The following ZNF185 variants were observed in gnomAD, a reference collection of about 807,000 sequenced individuals.
The protein encoded by ZNF185 is zinc finger protein 185.
ZNF185 carries 56 observed loss-of-function variants against 58.6 expected under a neutral mutation model. The ratio of observed to expected loss-of-function variants is 0.95; its 90% CI spans 0.77 to 1.19. ZNF185 has a LOEUF of 1.19. ZNF185 is among the 50% of genes most tolerant of loss of function. The pLI, the probability that ZNF185 is intolerant of heterozygous loss-of-function variation, is 0.00. For synonymous variants in ZNF185, 230 were observed against 215.9 expected, an observed-to-expected ratio of 1.07 and a Z score of -0.57; for missense variants, 627 against 573.5, an observed-to-expected ratio of 1.09 and a Z score of -0.95.
chrX:152,951,085 ATTT>A (rs57205058), intron 16 of ZNF185, among the ~76,000 whole-genome samples: 1 of 92,400 alleles, frequency 1.1e-5, no homozygotes. Flanking sequence ...ATGATCAAGA[ATTT>A]TTTTTTTTTT....
chrX:152,936,723 C>G (rs986553979), intron 14 of ZNF185, among the ~76,000 whole-genome samples: 7 of 110,511 alleles, frequency 6.3e-5, no homozygotes, highest in African/African-American at 9.9e-5. Flanking sequence ...TGTCTGCTCA[C>G]CCAGAGAGCC....
At chrX:152,970,024 T>C (rs1230634418) in intron 21 of ZNF185, among the ~76,000 whole-genome samples, 5 of 111,818 alleles carry the variant, frequency 4.5e-5, no homozygotes, top group African/African-American at 1.6e-4. Flanking sequence ...TGACAGAATG[T>C]TAGGCAGGCT....
intron 18 of ZNF185, 146 bp from the exon 21 acceptor site, chrX:152,965,301 G>T: frequency 8.8e-6 from 4 of 455,333 alleles, no homozygotes; most frequent in Non-Finnish European, 1.5e-5. Flanking sequence ...CAGTGCCAGT[G>T]CCTTTATCCT....
chrX:152,903,388 CAAAAAAAAAAAAA>C, the ZNF185 span, among the ~76,000 whole-genome samples: 1 of 35,857 alleles, frequency 2.8e-5, no homozygotes, highest in Non-Finnish European at 4.3e-5. Flanking sequence ...AGACTCGTCT[CAAAAAAAAAAAAA>C]AAAAAAAAAA....
At chrX:152,935,053 G>A (rs1396661223) in intron 14 of ZNF185, among the ~76,000 whole-genome samples, 1 of 110,642 alleles carries the variant, frequency 9.0e-6, no homozygotes, top group African/African-American at 3.3e-5. Flanking sequence ...GGAACTCCTG[G>A]GCTCAAGCAG....
chrX:152,964,756 G>C (rs1468733900), intron 18 of ZNF185, among the ~76,000 whole-genome samples: 2 of 110,678 alleles, frequency 1.8e-5, no homozygotes, highest in Admixed American at 1.9e-4. Flanking sequence ...GCTCAGTGAG[G>C]TGTGTGTGTT....
the ZNF185 span, among the ~76,000 whole-genome samples, chrX:152,906,265 T>C: frequency 2.7e-5 from 3 of 112,065 alleles, no homozygotes; most frequent in African/African-American, 9.7e-5. Flanking sequence ...GACAAGGGAG[T>C]TATCCCTTCA....
intron 6 of ZNF185, 75 bp from the exon 8 acceptor site, chrX:152,918,905 CATT>C (rs1939106307): frequency 1.4e-6 from 1 of 739,291 alleles, no homozygotes; most frequent in Admixed American, 2.6e-5. Context: ...CTTGCCTCGT[CATT>C]GTTGTTGAAA....
At chrX:152,966,267 C>G (rs1440588404) in intron 19 of ZNF185, among the ~76,000 whole-genome samples, 3 of 111,357 alleles carry the variant, frequency 2.7e-5, no homozygotes, top group South Asian at 3.8e-4. Context: ...TCGGCCTCCC[C>G]TTTTCATTGA....
intron 14 of ZNF185, among the ~76,000 whole-genome samples, chrX:152,934,757 A>G (rs1195911961): frequency 8.9e-6 from 1 of 112,187 alleles, no homozygotes; most frequent in Non-Finnish European, 1.9e-5. Flanking sequence ...AAGCCTGTAC[A>G]TGGTCAGTAC....
chrX:152,963,861 A>G, exon 18 of ZNF185: 4 of 1,211,214 alleles, frequency 3.3e-6, no homozygotes, highest in Non-Finnish European at 4.5e-6. Flanking sequence ...CTCGAGCTGC[A>G]TGGTCACTGT....
chrX:152,962,428 GC>G lies in ZNF185; in HGVS notation c.1608-1409del, dbSNP rs1180782312. Among the ~76,000 whole-genome samples, 7 of 111,622 alleles carry G rather than the reference GC, an allele frequency of 6.3e-5. No homozygotes were observed. The East Asian group carries it at 1.7e-3, about 27-fold the overall frequency. On this transcript the variant is annotated intron_variant, in intron 17 of 22. Transcript: ENST00000449285. ...TGTTTTACCTTGCCTCTTCAGTTGCGCCGTCCCCTTCAGTATTCTGCTGACA... is the reference window on the plus strand; with the variant it reads ...TGTTTTACCTTGCCTCTTCAGTTGCGCGTCCCCTTCAGTATTCTGCTGACA...
exon 23 of ZNF185, chrX:152,972,902 C>T (rs919737910): frequency 2.7e-5 from 3 of 111,964 alleles, no homozygotes; most frequent in Non-Finnish European, 3.8e-5. Context: ...AAAATGTCTA[C>T]GTCTTTCTCC....
At chrX:152,944,110 G>C (rs1270240202) in intron 15 of ZNF185, among the ~76,000 whole-genome samples, 1 of 113,194 alleles carries the variant, frequency 8.8e-6, no homozygotes, top group Non-Finnish European at 1.9e-5. Context: ...GCCTGGTGCA[G>C]CTGGAGGTGG....
upstream of ZNF185, among the ~76,000 whole-genome samples, chrX:152,912,102 G>A (rs1364768893): frequency 9.1e-6 from 1 of 109,624 alleles, no homozygotes; most frequent in Non-Finnish European, 1.9e-5. Context: ...TCATCGTGTG[G>A]AAAGACTCTA....
chrX:152,945,596 G>C, intron 16 of ZNF185, 132 bp downstream of exon 18: 1 of 740,252 alleles, frequency 1.4e-6, no homozygotes, highest in Non-Finnish European at 1.9e-6. Context: ...CTCCTGTTCT[G>C]TGAGTGGGTC....
At chrX:152,944,985 C>T (rs1556893186) in intron 15 of ZNF185, among the ~76,000 whole-genome samples, 1 of 112,541 alleles carries the variant, frequency 8.9e-6, no homozygotes, top group Non-Finnish European at 1.9e-5. Flanking sequence ...CAGAGTGAGA[C>T]CCTGCCTCCA....
exon 15 of ZNF185, chrX:152,938,113 G>C (rs373759037): frequency 1.0e-4 from 124 of 1,185,070 alleles, no homozygotes; most frequent in Non-Finnish European, 1.3e-4. Flanking sequence ...CTGCTGATAG[G>C]AAGAGCAACA....
At chrX:152,906,721 G>T in the ZNF185 span, among the ~76,000 whole-genome samples, 1 of 111,476 alleles carries the variant, frequency 9.0e-6, no homozygotes, top group African/African-American at 3.3e-5. Flanking sequence ...TGTCTGCTCA[G>T]CTCCTGGATG....
Sources: gnomAD v4.1 joint callset for allele counts (sites outside exome capture counted in the v4.1 genomes callset) on GRCh38, gnomAD v4.1.1 for gene constraint, MANE v1.5 for transcripts, NCBI Gene and HGNC (gene_info 2026-07-23, HGNC 2026-07-21) for gene names.